Variants in TAFA2 observed in about 807,000 individuals in gnomAD.
TAFA2 encodes the protein TAFA chemokine like family member 2, also known as chemokine-like protein TAFA-2.
A neutral mutation model predicts 18.8 loss-of-function variants in TAFA2; 7 were observed. The ratio of observed to expected loss-of-function variants is 0.37; its 90% CI spans 0.21 to 0.70. TAFA2 has a LOEUF of 0.70. TAFA2 is among the 30% of genes least tolerant of loss of function. The pLI, the probability that TAFA2 is intolerant of heterozygous loss-of-function variation, is 0.53. For missense variants in TAFA2, 122 were observed against 158.1 expected, an observed-to-expected ratio of 0.77 and a Z score of 1.23; for synonymous variants, 60 against 54.2, an observed-to-expected ratio of 1.11 and a Z score of -0.47.
intron 2 of TAFA2, among the ~76,000 whole-genome samples, chr12:61,861,540 C>G (rs556733690): frequency 6.6e-6 from 1 of 152,210 alleles, no homozygotes; most frequent in East Asian, 1.9e-4. Flanking sequence ...TAGGAGTAAG[C>G]CATTGTGCCC....
rs527387791 is a variant in TAFA2, at chr12:62,212,330, C to CTATAAAGAGG, written c.-130+46423_-130+46432dup. 5.0e-3 allele frequency among the ~76,000 whole-genome samples: 761 copies of CTATAAAGAGG among 152,330 alleles called. 2 individuals are homozygous for CTATAAAGAGG. The highest frequency in any genetic ancestry group is 0.017 in the African/African-American group (697 of 41,576). Reference sequence around the variant, plus strand: ...TTCAACAACCTCTCCAAGAATCCACCTATAAAGAGGTGTTTCATTGAGCCC... The same window carrying CTATAAAGAGG: ...TTCAACAACCTCTCCAAGAATCCACCTATAAAGAGGTATAAAGAGGTGTTTCATTGAGCCC... On this transcript the variant is annotated intron_variant, in intron 1 of 5. Coordinates refer to the TAFA2 transcript ENST00000551619.
At chr12:61,803,891 T>A (rs547474519) in intron 2 of TAFA2, among the ~76,000 whole-genome samples, 7 of 152,014 alleles carry the variant, frequency 4.6e-5, no homozygotes, top group East Asian at 3.9e-4. Context: ...AGTATAATTT[T>A]AAAAAAATGA....
intron 1 of TAFA2, among the ~76,000 whole-genome samples, chr12:62,097,753 C>T (rs924675767): frequency 6.6e-6 from 1 of 152,144 alleles, no homozygotes; most frequent in African/African-American, 2.4e-5. Flanking sequence ...ACTTATGACC[C>T]ACTCTGATTT....
At chr12:62,102,619 A>G (rs1261844422) in intron 1 of TAFA2, among the ~76,000 whole-genome samples, 1 of 152,190 alleles carries the variant, frequency 6.6e-6, no homozygotes, top group Non-Finnish European at 1.5e-5. Flanking sequence ...CTTCCTAAAC[A>G]GCAGTGTCAG....
At chr12:62,129,589 GCTCA>G (rs1336206055) in intron 1 of TAFA2, among the ~76,000 whole-genome samples, 1 of 151,968 alleles carries the variant, frequency 6.6e-6, no homozygotes, top group Non-Finnish European at 1.5e-5. Context: ...CACCAAAAAT[GCTCA>G]CTGTCATCTT....
At chr12:61,810,320 G>GA (rs1555167269) in intron 2 of TAFA2, among the ~76,000 whole-genome samples, 3 of 137,414 alleles carry the variant, frequency 2.2e-5, no homozygotes, top group Admixed American at 7.2e-5. Context: ...CCATTACTTT[G>GA]TTTTTTTTTT....
At position 62,091,128 on chromosome 12, in the gene TAFA2, CA is replaced by C. The variant is rs530479641; in HGVS notation, c.-2+100130del. 6.6e-5 allele frequency among the ~76,000 whole-genome samples: 10 copies of C among 152,036 alleles called. No individual in the cohort carries two copies. In the South Asian group the frequency reaches 1.5e-3, roughly 22 times the overall value. ...CCTTTTCTTATCTCAGGTGCCAAGA[CA>C]AAAAAGTTGGTTTGAAGTCCCAGTC... On this transcript the variant is annotated intron_variant, in intron 1 of 4. Coordinates refer to ENST00000416284, the MANE Select transcript of TAFA2 (RefSeq NM_178539.5).
intron 1 of TAFA2, among the ~76,000 whole-genome samples, chr12:62,203,598 T>A (rs1423872003): frequency 6.6e-6 from 1 of 152,240 alleles, no homozygotes; most frequent in East Asian, 1.9e-4. Context: ...GTAATGCCCT[T>A]GTCTTTTTTT....
chr12:61,898,170 C>T (rs1430608571), intron 1 of TAFA2, among the ~76,000 whole-genome samples: 1 of 152,218 alleles, frequency 6.6e-6, no homozygotes, highest in Non-Finnish European at 1.5e-5. Context: ...GACCCCATGG[C>T]TTTGCAGGGT....
intron 1 of TAFA2, among the ~76,000 whole-genome samples, chr12:62,107,012 G>C (rs895214946): frequency 2.6e-5 from 4 of 152,066 alleles, no homozygotes; most frequent in African/African-American, 9.7e-5. Flanking sequence ...AACGAGAAAG[G>C]TTCTGCTTTC....
At chr12:61,740,716 T>G (rs1328994357) in intron 4 of TAFA2, among the ~76,000 whole-genome samples, 1 of 151,772 alleles carries the variant, frequency 6.6e-6, no homozygotes, top group Non-Finnish European at 1.5e-5. Flanking sequence ...AAAAAAAAAG[T>G]TTGTCACCAG....
At chr12:61,774,745 G>A (rs562924459) in intron 2 of TAFA2, among the ~76,000 whole-genome samples, 8 of 151,534 alleles carry the variant, frequency 5.3e-5, no homozygotes, top group Admixed American at 6.6e-5. Context: ...TGGATGCACC[G>A]AAATCACCAC....
chr12:62,121,000 G>A (rs1159222278), intron 1 of TAFA2, among the ~76,000 whole-genome samples: 3 of 151,928 alleles, frequency 2.0e-5, no homozygotes, highest in South Asian at 2.1e-4. Context: ...GATTACAGAC[G>A]CATGCCACCA....
intron 1 of TAFA2, among the ~76,000 whole-genome samples, chr12:62,167,311 A>C (rs2062447457): frequency 6.6e-6 from 1 of 152,210 alleles, no homozygotes; most frequent in South Asian, 2.1e-4. Context: ...AAATTTTAAA[A>C]AGCAAGCTTT....
intron 1 of TAFA2, among the ~76,000 whole-genome samples, chr12:62,183,379 T>C (rs150118588): frequency 1.0e-3 from 154 of 152,258 alleles, no homozygotes; most frequent in African/African-American, 3.6e-3. Context: ...GGTTTTGTTT[T>C]TGTTTGTGGT....
chr12:62,258,723 G>C (rs1379304075), intron 1 of TAFA2: 1 of 348,362 alleles, frequency 2.9e-6, no homozygotes, highest in South Asian at 2.0e-5. Context: ...TAAAGGGCAA[G>C]AACTTTGCAG....
At chr12:62,194,181 T>A (rs1159481469), upstream of TAFA2, among the ~76,000 whole-genome samples, 1 of 152,144 alleles carries the variant, frequency 6.6e-6, no homozygotes, top group African/African-American at 2.4e-5. Flanking sequence ...TCTTACAGTA[T>A]TTTTTTGTCT....
chr12:62,230,410 T>C (rs943043145), intron 1 of TAFA2, among the ~76,000 whole-genome samples: 2 of 152,126 alleles, frequency 1.3e-5, no homozygotes, highest in African/African-American at 4.8e-5. Flanking sequence ...ATGTTGTGTT[T>C]TCATTTTCAT....
chr12:61,726,044 A>T (rs1870151299), intron 4 of TAFA2, among the ~76,000 whole-genome samples: 1 of 151,488 alleles, frequency 6.6e-6, no homozygotes, highest in Admixed American at 6.6e-5. Context: ...AGAAAAAGCA[A>T]GTCACACGTG....
Sources: allele counts gnomAD v4.1 joint callset (sites outside exome capture counted in the v4.1 genomes callset), GRCh38; gene constraint gnomAD v4.1.1; transcripts MANE v1.5; gene names NCBI Gene and HGNC (gene_info 2026-07-23, HGNC 2026-07-21).